The following CIT variants were observed in gnomAD, a reference collection of about 807,000 sequenced individuals.
CIT encodes the protein citron rho-interacting serine/threonine kinase.
In CIT, 79 loss-of-function variants were observed where a neutral mutation model predicts 272.7. The ratio of observed to expected loss-of-function variants is 0.29; its 90% CI spans 0.24 to 0.35. The LOEUF is 0.35. Ranked by LOEUF, CIT falls within the 10% of genes least tolerant of loss-of-function variation. CIT has a pLI of 1.00. For synonymous variants in CIT, 948 were observed against 995.6 expected (o/e 0.95, Z 0.90); for missense variants, 1,909 against 2,618.3 (o/e 0.73, Z 5.91).
chr12:119,791,590 T>C (rs550070012), intron 10 of CIT, among the ~76,000 whole-genome samples: 1 of 152,302 alleles, frequency 6.6e-6, no homozygotes, highest in South Asian at 2.1e-4. Context: ...GCTTGCCTAC[T>C]CCTGGCCACA....
chr12:119,840,282 C>A (rs376385603), intron 5 of CIT, among the ~76,000 whole-genome samples: 1 of 152,290 alleles, frequency 6.6e-6, no homozygotes, highest in African/African-American at 2.4e-5. Flanking sequence ...CGTGCCACTG[C>A]ACTCCAGCTT....
chr12:119,686,742 T>C lies in CIT; in HGVS notation c.*1490A>G, dbSNP rs908737229. 2 of 152,556 alleles carry C rather than the reference T, an allele frequency of 1.3e-5. No homozygotes were observed. The highest frequency in any genetic ancestry group is 4.8e-5 in the African/African-American group (2 of 41,448). 9.5% of individuals were successfully genotyped at this position (152,556 alleles called of 1,614,324 possible). A position where few individuals can be genotyped will look rare whatever the true frequency, so the allele number is the denominator to read the frequency against. On this transcript the variant is annotated 3_prime_UTR_variant, in exon 48 of 48. Transcript: ENST00000392521. ...GGCAGAAATAAGGCCGCGAGTTAGC[T>C]TGCCAACTGCAAAGCCTCTAGGTTG...
chr12:119,710,545 C>T lies in CIT; in HGVS notation c.4930G>A (p.Asp1644Asn). Residue 1644 changes from aspartate (D) to asparagine (N), a missense_variant, in exon 38 of 48, where the codon GAC (aspartate) becomes AAC (asparagine). Transcript: ENST00000392521. This position sits in a 1 kb window ranked among gnomAD's most constrained non-coding sequence, Gnocchi z 5.6. ...LDMNCTLPFS[D>N]QVVLVGTEEG... ...CGTGCCCATGCAAGCATTACCTGGT[C>T]ACTGAAGGGCAGCGTGCAGTTCATG... The T allele has an allele frequency of 1.9e-6, 3 of 1,614,184 alleles. No individual in the cohort carries two copies. Among genetic ancestry groups the T allele is most frequent in the Non-Finnish European group, 2.5e-6 (3 of 1,180,020 alleles).
chr12:119,844,185 C>T (rs1593930660), intron 5 of CIT, among the ~76,000 whole-genome samples: 1 of 151,954 alleles, frequency 6.6e-6, no homozygotes, highest in Non-Finnish European at 1.5e-5. Context: ...TCATGCCTGG[C>T]TAATTTTTGT....
At chr12:119,845,652 CA>C (rs34059849) in intron 5 of CIT, among the ~76,000 whole-genome samples, 5,319 of 58,912 alleles carry the variant, frequency 0.09, 168 homozygotes, top group African/African-American at 0.2. Flanking sequence ...GACTCTGTCT[CA>C]AAAAAAAAAA....
chr12:119,836,314 A>AAAAAAAG (rs1969012467), intron 5 of CIT, among the ~76,000 whole-genome samples: 8 of 147,678 alleles, frequency 5.4e-5, no homozygotes, highest in African/African-American at 1.8e-4. Flanking sequence ...AAAAAAAAAA[A>AAAAAAAG]TTATGAACAA....
In CIT at chr12:119,834,172, G is replaced by A; in HGVS notation, c.573C>T (p.Asp191=). Residue 191 remains aspartate, a synonymous_variant, in exon 6 of 48, where the codon GAC becomes GAT. Transcript: ENST00000392521. ...ACTGTATCAGGTTTTCATCTAACTG[G>A]TCCTCATATCTATTCAAAAGTGACA... is the stretch of plus-strand genomic sequence containing the variant. ...DLLSLLNRYE[D]QLDENLIQFY... 2 of 1,613,864 alleles carry A rather than the reference G, an allele frequency of 1.2e-6. No individual in the cohort carries two copies. The highest frequency in any genetic ancestry group is 1.6e-4 in the Middle Eastern group (1 of 6,062).
Position 119,687,839 on chromosome 12 carries a change from A to T in CIT, c.*393T>A. On this transcript the variant is annotated 3_prime_UTR_variant, in exon 48 of 48. Coordinates refer to ENST00000392521, the MANE Select transcript of CIT (RefSeq NM_001206999.2). ...GGAAAGAAACAAAGAGAAAAAAAAA[A>T]GAAAAACCAACCAATCCTAGGATCT... 5.1e-6 allele frequency: 1 copy of T among 197,174 alleles called. No individual in the cohort carries two copies. The highest frequency in any genetic ancestry group is 1.0e-5 in the Non-Finnish European group (1 of 98,164). 12.2% of individuals were successfully genotyped at this position (197,174 alleles called of 1,614,324 possible). A position where few individuals can be genotyped will look rare whatever the true frequency, so the allele number is the denominator to read the frequency against.
chr12:119,690,099 A>G lies in CIT; in HGVS notation c.6186+52T>C, dbSNP rs1955848566. 9 of 1,414,754 alleles carry G rather than the reference A, an allele frequency of 6.4e-6. No homozygotes were observed. The highest frequency in any genetic ancestry group is 8.2e-6 in the Non-Finnish European group (9 of 1,091,490). 87.6% of individuals were successfully genotyped at this position (1,414,754 alleles called of 1,614,324 possible). A position where few individuals can be genotyped will look rare whatever the true frequency, so the allele number is the denominator to read the frequency against. On this transcript the variant is annotated intron_variant, in intron 47 of 47. Coordinates refer to ENST00000392521, the MANE Select transcript of CIT (RefSeq NM_001206999.2). The surrounding 1 kb of genome is among the most constrained non-coding windows in gnomAD (Gnocchi z 6.0). ...GCCCCGTGGGGGCCTCAGTTCCCCA[A>G]GTCACTCCTGGCCTCCGCAACAGAC... is the stretch of plus-strand genomic sequence containing the variant.
chr12:119,773,913 G>A (rs908818373), intron 16 of CIT, among the ~76,000 whole-genome samples: 1 of 152,158 alleles, frequency 6.6e-6, no homozygotes, highest in Non-Finnish European at 1.5e-5. Context: ...TAAGGAAGCA[G>A]GGAGCAAATA....
At chr12:119,719,032 C>A in intron 30 of CIT, 171 bp from the exon 31 acceptor site, 1 of 638,714 alleles carries the variant, frequency 1.6e-6, no homozygotes, top group Non-Finnish European at 2.6e-6. Context: ...TGAGCCACAG[C>A]CCGTTCCAGC....
At chr12:119,703,597 TG>T (rs1262008583) in intron 41 of CIT, among the ~76,000 whole-genome samples, 1 of 152,090 alleles carries the variant, frequency 6.6e-6, no homozygotes, top group African/African-American at 2.4e-5. Context: ...GGCTAATTTT[TG>T]TATTTTTAGT....
At chr12:119,806,350 G>C (rs190490440) in intron 9 of CIT, among the ~76,000 whole-genome samples, 4 of 152,276 alleles carry the variant, frequency 2.6e-5, no homozygotes, top group Admixed American at 2.6e-4. Context: ...CCAAAAAGAA[G>C]TGGGGGAACT....
chr12:119,775,683 G>A lies in CIT; in HGVS notation c.1941+103C>T. 6.0e-6 allele frequency: 5 copies of A among 839,402 alleles called. No homozygotes were observed. The South Asian group carries it at 7.7e-5, about 13-fold the overall frequency. 52.0% of individuals were successfully genotyped at this position (839,402 alleles called of 1,614,324 possible). ...CCCTTCATTTTCCTCAGCGCTGGGT[G>A]ACTAATTCTGTTTCTTTCATCTTTC... On this transcript the variant is annotated intron_variant, in intron 16 of 47. Transcript: ENST00000392521.
Position 119,803,375 on chromosome 12 carries a change from C to A in CIT, c.1126G>T (p.Val376Phe). The change falls in exon 10 of 48, where the codon GTT (valine) becomes TTT (phenylalanine). Residue 376 changes from valine (V) to phenylalanine (F), a missense_variant. This residue lies in a region of CIT where 529 missense variants were observed against 549.6 expected (regional missense o/e 0.96). Transcript: ENST00000392521. The part of the protein sequence containing the change: ...NNIRNSPPPF[V>F]PTLKSDDDTS... Reference sequence around the variant, plus strand: ...TCATCGTCAGACTTGAGGGTGGGAACGAAGGGGGGAGGAGCTGGTTAAAGA... The same window carrying A: ...TCATCGTCAGACTTGAGGGTGGGAAAGAAGGGGGGAGGAGCTGGTTAAAGA... 2 of 1,566,146 alleles carry A rather than the reference C, an allele frequency of 1.3e-6. No homozygotes were observed. Among genetic ancestry groups the A allele is most frequent in the Non-Finnish European group, 1.7e-6 (2 of 1,160,890 alleles).
chr12:119,767,342 G>A (rs571037843), intron 18 of CIT, among the ~76,000 whole-genome samples, 160 bp from the exon 19 acceptor site: 2 of 152,322 alleles, frequency 1.3e-5, no homozygotes, highest in South Asian at 2.1e-4. Flanking sequence ...AAACCACCAC[G>A]CCTTGGCCCT....
rs145248313 is a variant in CIT, at chr12:119,793,561, T to G, written c.1296-8496A>C. Among the ~76,000 whole-genome samples, 351 of 152,366 alleles carry G rather than the reference T, an allele frequency of 2.3e-3. 4 individuals are homozygous for G. The highest frequency in any genetic ancestry group is 1.9e-3 in the Non-Finnish European group (129 of 68,038). On this transcript the variant is annotated intron_variant, in intron 10 of 47. Coordinates refer to ENST00000392521, the MANE Select transcript of CIT (RefSeq NM_001206999.2). ...CAAAGTCCATACCTAAAGGCCCTGA[T>G]GACCTCAGCTCAGACCATGTTCCTT...
rs2138306779 is a variant in CIT at position 119,857,574 on chromosome 12, G to A, written c.363C>T (p.Asp121=). 1.2e-6 allele frequency: 2 copies of A among 1,614,144 alleles called. No homozygotes were observed. Among genetic ancestry groups the A allele is most frequent in the Non-Finnish European group, 8.5e-7 (1 of 1,180,022 alleles). ...VQVVREKATG[D]IYAMKVMKKK... is the part of the protein sequence containing the mutation. ...TCTTCATCACTTTCATAGCATAGAT[G>A]TCCCCGGTTGCTTTCTCTCTTACCA... The change falls in exon 4 of 48, where the codon GAC becomes GAT. Residue 121 remains aspartate (D), a synonymous_variant. Coordinates refer to ENST00000392521, the MANE Select transcript of CIT (RefSeq NM_001206999.2).
intron 5 of CIT, among the ~76,000 whole-genome samples, chr12:119,837,823 T>C (rs930362283): frequency 6.6e-6 from 1 of 152,180 alleles, no homozygotes; most frequent in African/African-American, 2.4e-5. Context: ...TCCTAGCCCT[T>C]TGGGAGGCTG....
Sources: gnomAD v4.1 joint callset for allele counts (sites outside exome capture counted in the v4.1 genomes callset) on GRCh38, gnomAD v4.1.1 for gene constraint, gnomAD v4.1.1 regional missense constraint, Gnocchi (gnomAD v3.1) non-coding constraint, MANE v1.5 for transcripts, NCBI Gene and HGNC (gene_info 2026-07-23, HGNC 2026-07-21) for gene names.